NCAM1: variants seen among roughly 807,000 people sequenced by gnomAD.
NCAM1 encodes the protein neural cell adhesion molecule 1, also known as antigen recognized by monoclonal antibody 5.1H11.
A neutral mutation model predicts 109.8 loss-of-function variants in NCAM1; 14 were observed. That is an observed-to-expected ratio of 0.13 (90% CI 0.08 to 0.20). The LOEUF (loss-of-function observed/expected upper bound fraction) is 0.20, where lower values mean the gene tolerates loss of function less well. Ranked by LOEUF, NCAM1 falls within the 10% of genes least tolerant of loss-of-function variation. The pLI is 1.00. For synonymous variants in NCAM1, 418 were observed against 442.9 expected, an observed-to-expected ratio of 0.94 and a Z score of 0.70; for missense variants, 774 against 1,109.9, an observed-to-expected ratio of 0.70 and a Z score of 4.30.
intron 1 of NCAM1, among the ~76,000 whole-genome samples, chr11:113,165,249 A>T (rs1248100630): frequency 3.9e-5 from 6 of 152,182 alleles, no homozygotes; most frequent in Admixed American, 3.9e-4. Context: ...AAAGAAAAGG[A>T]AATTTAAGTA....
intron 1 of NCAM1, among the ~76,000 whole-genome samples, chr11:113,195,887 T>C (rs2136792320): frequency 6.8e-6 from 1 of 147,892 alleles, no homozygotes; most frequent in African/African-American, 2.6e-5. Flanking sequence ...ACATGTGTCA[T>C]TGGGAATTTT....
At chr11:113,057,596 TGGA>T (rs1318274950) in intron 1 of NCAM1, among the ~76,000 whole-genome samples, 1 of 152,028 alleles carries the variant, frequency 6.6e-6, no homozygotes, top group Non-Finnish European at 1.5e-5. Flanking sequence ...TACACTAGAA[TGGA>T]GGAGAAGGAC....
intron 1 of NCAM1, among the ~76,000 whole-genome samples, chr11:113,009,312 G>GTTTTTTTTTTTT (rs781818836): frequency 1.2e-3 from 96 of 79,660 alleles, no homozygotes; most frequent in Non-Finnish European, 1.8e-3. Context: ...GTTTTTTCGG[G>GTTTTTTTTTTTT]TTTTTTTTTT....
chr11:113,108,535 A>G (rs1303227787), intron 1 of NCAM1, among the ~76,000 whole-genome samples: 2 of 152,164 alleles, frequency 1.3e-5, no homozygotes, highest in Non-Finnish European at 2.9e-5. Context: ...TAAAATGTGT[A>G]AGTTAGCTGT....
intron 1 of NCAM1, among the ~76,000 whole-genome samples, chr11:113,024,944 C>A (rs1952492140): frequency 6.6e-6 from 1 of 152,180 alleles, no homozygotes; most frequent in Non-Finnish European, 1.5e-5. Flanking sequence ...ACCATCTGTT[C>A]ATTTGCCAGG....
In NCAM1 at chr11:113,214,392, G is replaced by C; in HGVS notation, c.940G>C (p.Glu314Gln). The change falls in exon 8 of 20, where the codon GAG (glutamate) becomes CAG (glutamine). Residue 314 changes from glutamate to glutamine, a missense_variant. This residue lies in a region of NCAM1 where 523 missense variants were observed against 784.2 expected (regional missense o/e 0.67). Coordinates refer to ENST00000316851, the MANE Select transcript of NCAM1 (RefSeq NM_181351.5). ...VFAKPKITYV[E>Q]NQTAMELEEQ... is the part of the protein sequence containing the mutation. ...AGCAAAACCCAAAATCACATATGTA[G>C]AGAACCAGACTGCCATGGAATTAGA... is the stretch of plus-strand genomic sequence containing the variant. The C allele has an allele frequency of 6.2e-7, 1 of 1,613,978 alleles. No individual in the cohort carries two copies. Among genetic ancestry groups the C allele is most frequent in the Non-Finnish European group, 8.5e-7 (1 of 1,179,866 alleles).
At chr11:113,240,239 C>T (rs943952947) in intron 14 of NCAM1, among the ~76,000 whole-genome samples, 1 of 152,238 alleles carries the variant, frequency 6.6e-6, no homozygotes, top group Non-Finnish European at 1.5e-5. Context: ...TCATGAACTT[C>T]ATACACTAGT....
chr11:113,246,041 G>T, intron 14 of NCAM1: 1 of 407,092 alleles, frequency 2.5e-6, no homozygotes, highest in South Asian at 5.3e-5. Context: ...TTAATATGTA[G>T]TGTTGCAGCC....
chr11:112,967,119 G>A (rs1213863626), intron 1 of NCAM1, among the ~76,000 whole-genome samples: 1 of 152,106 alleles, frequency 6.6e-6, no homozygotes, highest in Non-Finnish European at 1.5e-5. Flanking sequence ...AGGACTTTTT[G>A]ATTTGTAGCT....
intron 1 of NCAM1, among the ~76,000 whole-genome samples, chr11:113,104,764 ATAT>A (rs1940075930): frequency 6.6e-6 from 1 of 152,182 alleles, no homozygotes; most frequent in Admixed American, 6.5e-5. Context: ...GAGTCCTGTA[ATAT>A]TATTTTACTT....
chr11:113,164,456 A>G (rs1180555681), intron 1 of NCAM1, among the ~76,000 whole-genome samples: 3 of 151,946 alleles, frequency 2.0e-5, no homozygotes, highest in Non-Finnish European at 4.4e-5. Context: ...CTCACATCAC[A>G]TTTCAGTCGC....
chr11:113,272,970 C>T (rs1946315248), intron 19 of NCAM1: 1 of 456,764 alleles, frequency 2.2e-6, no homozygotes, highest in Non-Finnish European at 4.4e-6. Context: ...CGAGGACATG[C>T]TGCCTTCTGT....
At chr11:113,235,840 C>T (rs782095727) in intron 14 of NCAM1, among the ~76,000 whole-genome samples, 1 of 152,164 alleles carries the variant, frequency 6.6e-6, no homozygotes, top group Non-Finnish European at 1.5e-5. Flanking sequence ...ACGCCTATCC[C>T]ACTTTGCCCT....
At chr11:113,004,888 G>T (rs1451456826) in intron 1 of NCAM1, among the ~76,000 whole-genome samples, 1 of 150,316 alleles carries the variant, frequency 6.7e-6, no homozygotes, top group East Asian at 2.0e-4. Context: ...CTTCAGATTT[G>T]GGGCCTTCTG....
intron 9 of NCAM1, chr11:113,231,355 T>C: frequency 6.8e-7 from 1 of 1,467,256 alleles, no homozygotes; most frequent in Non-Finnish European, 9.2e-7. Context: ...CAAAGTCATC[T>C]TGGGGGACCT....
At chr11:113,029,089 A>T (rs1952640473) in intron 1 of NCAM1, among the ~76,000 whole-genome samples, 1 of 152,200 alleles carries the variant, frequency 6.6e-6, no homozygotes, top group Admixed American at 6.5e-5. Flanking sequence ...TTTTTCAGGT[A>T]TACAGAATAA....
At chr11:113,204,756 G>A (rs1336103830) in intron 3 of NCAM1, among the ~76,000 whole-genome samples, 1 of 152,148 alleles carries the variant, frequency 6.6e-6, no homozygotes, top group African/African-American at 2.4e-5. Flanking sequence ...GCTATTACGG[G>A]TTTCTCTATC....
At chr11:113,111,584 G>T (rs546958985) in intron 1 of NCAM1, among the ~76,000 whole-genome samples, 1 of 152,298 alleles carries the variant, frequency 6.6e-6, no homozygotes, top group Admixed American at 6.5e-5. Context: ...CTTGATTGTC[G>T]TGTGGTTATA....
At chr11:113,218,361 G>C (rs1555114697) in intron 8 of NCAM1, among the ~76,000 whole-genome samples, 3 of 152,130 alleles carry the variant, frequency 2.0e-5, no homozygotes, top group Non-Finnish European at 1.5e-5. Flanking sequence ...CTCATGGTTT[G>C]TATGACTTTA....
Sources: gnomAD v4.1 joint callset for allele counts (sites outside exome capture counted in the v4.1 genomes callset) on GRCh38, gnomAD v4.1.1 for gene constraint, gnomAD v4.1.1 regional missense constraint, MANE v1.5 for transcripts, NCBI Gene and HGNC (gene_info 2026-07-23, HGNC 2026-07-21) for gene names.